The following MYO3A variants were observed in gnomAD, a reference collection of about 807,000 sequenced individuals.
MYO3A encodes the protein myosin-IIIa.
In MYO3A, 180 loss-of-function variants were observed where a neutral mutation model predicts 192.7. The ratio of observed to expected loss-of-function variants is 0.93; its 90% CI spans 0.83 to 1.06. MYO3A has a LOEUF of 1.06. Ranked by LOEUF, MYO3A falls within the 50% of genes least tolerant of loss-of-function variation. MYO3A has a pLI of 0.00. For synonymous variants in MYO3A, 628 were observed against 645.3 expected, an observed-to-expected ratio of 0.97 and a Z score of 0.41; for missense variants, 1,896 against 1,905.0, an observed-to-expected ratio of 1.00 and a Z score of 0.09.
intron 20 of MYO3A, among the ~76,000 whole-genome samples, chr10:26,137,681 G>C (rs1839930349): frequency 6.6e-6 from 1 of 152,312 alleles, no homozygotes; most frequent in East Asian, 1.9e-4. Flanking sequence ...ATGCAAGTAA[G>C]GAAGACATCA....
At chr10:26,191,036 A>G (rs561836216) in intron 31 of MYO3A, among the ~76,000 whole-genome samples, 10 of 152,210 alleles carry the variant, frequency 6.6e-5, no homozygotes, top group Admixed American at 2.6e-4. Context: ...TCAGATTTTA[A>G]ATAATATTGA....
At chr10:26,104,893 AC>A (rs1564553414) in intron 17 of MYO3A, among the ~76,000 whole-genome samples, 1 of 144,274 alleles carries the variant, frequency 6.9e-6, no homozygotes, top group African/African-American at 2.5e-5. Context: ...ACACACACAC[AC>A]ACCCATGCAG....
intron 2 of MYO3A, among the ~76,000 whole-genome samples, chr10:25,940,776 A>G (rs1380236261): frequency 2.6e-5 from 4 of 151,984 alleles, no homozygotes; most frequent in African/African-American, 9.7e-5. Context: ...CTTTTGAAAA[A>G]CCAGCAATCA....
intron 10 of MYO3A, among the ~76,000 whole-genome samples, chr10:26,033,304 C>T (rs749842527): frequency 2.0e-5 from 3 of 152,246 alleles, no homozygotes; most frequent in East Asian, 1.9e-4. Flanking sequence ...TGGTCTCAAA[C>T]TCCTGACCTC....
chr10:26,074,610 T>G (rs7074453), intron 14 of MYO3A, among the ~76,000 whole-genome samples: 69,554 of 147,040 alleles, frequency 0.47, 17,224 homozygotes, highest in Middle Eastern at 0.58. Context: ...TATATTATAT[T>G]TAATTATATA....
In MYO3A at chr10:25,990,609, C is replaced by A. The variant is rs1400496751; in HGVS notation, c.304-5881C>A. ...CATGTGCCATGTTGGTGTGTTGCAC[C>A]CATTAACTCGTCATTTACATTAGGT... On this transcript the variant is annotated intron_variant, in intron 4 of 34. Transcript: ENST00000642920. Among the ~76,000 whole-genome samples the A allele has an allele frequency of 3.3e-5, 5 of 151,358 alleles. No individual in the cohort carries two copies. In the South Asian group the frequency reaches 1.1e-3, roughly 32 times the overall value.
At chr10:25,952,524 G>C (rs1837275934) in intron 3 of MYO3A, among the ~76,000 whole-genome samples, 2 of 152,030 alleles carry the variant, frequency 1.3e-5, no homozygotes, top group African/African-American at 4.8e-5. Context: ...GCTCTCAACC[G>C]ACGATATTAT....
Position 26,021,561 on chromosome 10 carries a change from C to G in MYO3A, c.644C>G (p.Ser215Cys), listed in dbSNP as rs749600266. ...TTYDARCDTWSLGITAIELGD... is the reference protein window; with the variant it reads ...TTYDARCDTWCLGITAIELGD... ...TATGACGCCAGATGTGACACTTGGT[C>G]CCTGGGTATCACGGCCATTGAGCTG... The change falls in exon 8 of 35, where the codon TCC (serine) becomes TGC (cysteine). Residue 215 changes from serine to cysteine, a missense_variant. By Grantham distance (112) the Ser-to-Cys change is moderately radical. Transcript: ENST00000642920. The G allele has an allele frequency of 7.4e-6, 12 of 1,614,048 alleles. No individual in the cohort carries two copies. Among genetic ancestry groups the G allele is most frequent in the Non-Finnish European group, 1.0e-5 (12 of 1,179,952 alleles).
chr10:25,938,590 A>T (rs1234541552), intron 2 of MYO3A, among the ~76,000 whole-genome samples: 2 of 152,184 alleles, frequency 1.3e-5, no homozygotes, highest in Non-Finnish European at 2.9e-5. Flanking sequence ...TGTAATCCTT[A>T]TGTGATGCAG....
intron 10 of MYO3A, among the ~76,000 whole-genome samples, chr10:26,050,876 T>A (rs1160352503): frequency 6.6e-6 from 1 of 152,204 alleles, no homozygotes; most frequent in Non-Finnish European, 1.5e-5. Flanking sequence ...CTAACAGACT[T>A]AATGAAGTTA....
At chr10:25,951,684 C>T (rs888907472) in intron 2 of MYO3A, among the ~76,000 whole-genome samples, 10 of 152,044 alleles carry the variant, frequency 6.6e-5, no homozygotes, top group Admixed American at 2.6e-4. Flanking sequence ...TGACATAAAA[C>T]GTGATCACTT....
intron 20 of MYO3A, among the ~76,000 whole-genome samples, chr10:26,142,232 G>C (rs534016568): frequency 6.6e-6 from 1 of 152,342 alleles, no homozygotes; most frequent in South Asian, 2.1e-4. Context: ...ACTCGAGTCA[G>C]TGATTGATTT....
intron 10 of MYO3A, among the ~76,000 whole-genome samples, chr10:26,065,290 A>G (rs1834745423): frequency 6.6e-6 from 1 of 152,204 alleles, no homozygotes; most frequent in Admixed American, 6.5e-5. Flanking sequence ...AAGCCTGAAG[A>G]AACTAAGTAT....
rs483352742 is a variant in MYO3A, at chr10:26,157,361, G to T, written c.2845G>T (p.Val949Phe). Reference protein sequence around the residue: ...SKMVVGQPHFVRCIKPNSERQ... With the variant: ...SKMVVGQPHFFRCIKPNSERQ... ...AATGGTGGTGGGCCAACCTCATTTT[G>T]TCCGTTGCATCAAACCAAATAGTGA... The change falls in exon 26 of 35, where the codon GTC becomes TTC. Residue 949 changes from valine (V) to phenylalanine (F), a missense_variant. Transcript: ENST00000642920. The T allele has an allele frequency of 4.3e-6, 7 of 1,614,094 alleles. No individual in the cohort carries two copies. The highest frequency in any genetic ancestry group is 3.3e-5 in the Admixed American group (2 of 60,012).
At chr10:26,099,541 G>A (rs1283125930) in intron 17 of MYO3A, among the ~76,000 whole-genome samples, 1 of 152,160 alleles carries the variant, frequency 6.6e-6, no homozygotes, top group African/African-American at 2.4e-5. Flanking sequence ...GATATTGGCT[G>A]TGGGTTTGTC....
Position 26,212,439 on chromosome 10 carries a change from G to A in MYO3A, c.*476G>A, listed in dbSNP as rs910475040. On this transcript the variant is annotated 3_prime_UTR_variant, in exon 35 of 35. Coordinates refer to ENST00000642920, the MANE Select transcript of MYO3A (RefSeq NM_017433.5). ...TAGAGAAAAAAGCCCGGGAGGGGTGGGGAGAATTTCGAAGATGTATTTCAT... is the reference window on the plus strand; with the variant it reads ...TAGAGAAAAAAGCCCGGGAGGGGTGAGGAGAATTTCGAAGATGTATTTCAT... The A allele has an allele frequency of 1.2e-4, 28 of 240,126 alleles. 1 individual carries two copies. The highest frequency in any genetic ancestry group is 6.2e-4 in the Admixed American group (11 of 17,828). The allele number at this position is 240,126 out of a possible 1,614,324, so 14.9% of individuals were successfully genotyped here. A position where few individuals can be genotyped will look rare whatever the true frequency, so the allele number is the denominator to read the frequency against.
At chr10:25,992,354 T>C (rs1840094886) in intron 4 of MYO3A, among the ~76,000 whole-genome samples, 1 of 152,270 alleles carries the variant, frequency 6.6e-6, no homozygotes, top group African/African-American at 2.4e-5. Flanking sequence ...TTTTGCACAC[T>C]GATTTTGTAT....
intron 31 of MYO3A, 113 bp from the exon 32 acceptor site, chr10:26,193,092 C>G: frequency 2.3e-6 from 2 of 872,002 alleles, no homozygotes; most frequent in Admixed American, 4.3e-5. Flanking sequence ...TCCTTTTTCT[C>G]CAGCCTTAGC....
intron 10 of MYO3A, among the ~76,000 whole-genome samples, chr10:26,063,764 A>G (rs1313211608): frequency 6.6e-6 from 1 of 152,262 alleles, no homozygotes; most frequent in Non-Finnish European, 1.5e-5. Context: ...CAACAAGAAC[A>G]AAATGACAGG....
Sources: allele counts gnomAD v4.1 joint callset (sites outside exome capture counted in the v4.1 genomes callset), GRCh38; gene constraint gnomAD v4.1.1; transcripts MANE v1.5; gene names NCBI Gene and HGNC (gene_info 2026-07-23, HGNC 2026-07-21).